Variants in CD46 observed in about 807,000 individuals in gnomAD.
CD46 encodes the protein CD46 molecule.
In CD46, 30 loss-of-function variants were observed where a neutral mutation model predicts 53.3. That is an observed-to-expected ratio of 0.56 (90% CI 0.42 to 0.76). CD46 has a LOEUF of 0.76. Among genes scored for constraint, CD46 ranks in the 30% least tolerant of loss-of-function variants. The pLI, the probability that CD46 is intolerant of heterozygous loss-of-function variation, is 0.00. For missense variants in CD46, 409 were observed against 463.0 expected, an observed-to-expected ratio of 0.88 and a Z score of 1.07; for synonymous variants, 142 against 152.0, an observed-to-expected ratio of 0.93 and a Z score of 0.48.
chr1:207,758,765 A>G (rs1655856389), intron 3 of CD46, among the ~76,000 whole-genome samples: 1 of 152,252 alleles, frequency 6.6e-6, no homozygotes, highest in South Asian at 2.1e-4. Context: ...TTGGTCAAGT[A>G]GAAATATTGG....
In CD46 at chr1:207,759,534, A is replaced by G; in HGVS notation, c.390-105A>G. On this transcript the variant is annotated intron_variant, in intron 3 of 12. Coordinates refer to ENST00000367042, the MANE Select transcript of CD46 (RefSeq NM_172351.3). ...ATGTTGTTTAAGAAACCACCCCCTC[A>G]AACTACTGTAGTGTAGAAAAGAAAC... The G allele has an allele frequency of 1.0e-5, 7 of 672,768 alleles. No individual in the cohort carries two copies. The South Asian group carries it at 1.2e-4, about 12-fold the overall frequency. 41.7% of individuals were successfully genotyped at this position (672,768 alleles called of 1,614,324 possible). A position where few individuals can be genotyped will look rare whatever the true frequency, so the allele number is the denominator to read the frequency against.
rs1660050648 is a variant in CD46, at chr1:207,794,146, C to T, written c.*669C>T. 6.5e-6 allele frequency: 1 copy of T among 154,482 alleles called. No homozygotes were observed. The highest frequency in any genetic ancestry group is 1.4e-5 in the Non-Finnish European group (1 of 69,456). 9.6% of individuals were successfully genotyped at this position (154,482 alleles called of 1,614,324 possible). On this transcript the variant is annotated 3_prime_UTR_variant, in exon 13 of 13. Coordinates refer to ENST00000367042, the MANE Select transcript of CD46 (RefSeq NM_172351.3). The stretch of plus-strand genomic sequence containing the variant: ...ACCAAGAATATTATTGGAAAATTCT[C>T]TAAAAGTTAATAGGGTAAATTCTCT...
chr1:207,788,391 G>C (rs1005924205), intron 11 of CD46, among the ~76,000 whole-genome samples: 35 of 150,140 alleles, frequency 2.3e-4, no homozygotes, highest in Non-Finnish European at 3.8e-4. Context: ...AGTGGCGGGC[G>C]CCTGTAGTCC....
In CD46 at chr1:207,767,084, A is replaced by G. The variant is rs760633093; in HGVS notation, c.745A>G (p.Lys249Glu). The G allele has an allele frequency of 6.2e-7, 1 of 1,613,862 alleles. No individual in the cohort carries two copies. The highest frequency in any genetic ancestry group is 8.5e-7 in the Non-Finnish European group (1 of 1,179,738). The change falls in exon 6 of 13, where the codon AAA becomes GAA. Residue 249 changes from lysine (K) to glutamate (E), a missense_variant. Transcript: ENST00000367042. ...ISGFGKKFYY[K>E]ATVMFECDKG... is the part of the protein sequence containing the mutation. ...AGGATTTGGAAAAAAATTTTACTAC[A>G]AAGCAACAGTTATGTTTGAATGCGA...
intron 8 of CD46, among the ~76,000 whole-genome samples, chr1:207,781,817 ATTATAGTTTTGG>A (rs1658766299): frequency 6.6e-6 from 1 of 151,966 alleles, no homozygotes. Flanking sequence ...TGTTTTGATT[ATTATAGTTTTGG>A]AATCAGAAAG....
intron 4 of CD46, chr1:207,760,466 T>A (rs1359311740): frequency 6.6e-6 from 1 of 152,226 alleles, no homozygotes; most frequent in Non-Finnish European, 1.5e-5. Context: ...AGAAAATGGA[T>A]ATATTTATAA....
At chr1:207,787,224 C>T (rs1036027540) in intron 11 of CD46, among the ~76,000 whole-genome samples, 4 of 152,144 alleles carry the variant, frequency 2.6e-5, no homozygotes, top group Admixed American at 1.3e-4. Context: ...TCGTGCACCA[C>T]CACCACCGGC....
Position 207,757,073 on chromosome 1 carries a change from T to G in CD46, c.157T>G (p.Tyr53Asp). ...AMELIGKPKPYYEIGERVDYK... is the reference protein window; with the variant it reads ...AMELIGKPKPDYEIGERVDYK... The stretch of plus-strand genomic sequence containing the variant: ...GGAGCTCATTGGTAAACCAAAACCC[T>G]ACTATGAGATTGGTGAACGAGTAGA... The change falls in exon 2 of 13, where the codon TAC becomes GAC. Residue 53 changes from tyrosine to aspartate, a missense_variant. Tyr to Asp is a radical substitution (Grantham distance 160, BLOSUM62 -3). Coordinates refer to ENST00000367042, the MANE Select transcript of CD46 (RefSeq NM_172351.3). 6.2e-7 allele frequency: 1 copy of G among 1,614,076 alleles called. No homozygotes were observed. The highest frequency in any genetic ancestry group is 8.5e-7 in the Non-Finnish European group (1 of 1,179,936).
At chr1:207,777,644 T>G (rs1175827256) in intron 8 of CD46, among the ~76,000 whole-genome samples, 2 of 152,194 alleles carry the variant, frequency 1.3e-5, no homozygotes, top group African/African-American at 4.8e-5. Context: ...CTACGTAGTA[T>G]TCCACGGTGT....
intron 11 of CD46, among the ~76,000 whole-genome samples, chr1:207,787,380 T>A (rs1205755471): frequency 6.6e-6 from 1 of 152,140 alleles, no homozygotes; most frequent in Non-Finnish European, 1.5e-5. Context: ...CCTTAATGGG[T>A]CTTTTAAAGC....
chr1:207,778,324 G>A (rs1658341611), intron 8 of CD46, among the ~76,000 whole-genome samples: 1 of 151,988 alleles, frequency 6.6e-6, no homozygotes, highest in Non-Finnish European at 1.5e-5. Context: ...CTTGTGTTGC[G>A]ATTGTTTTTG....
intron 8 of CD46, among the ~76,000 whole-genome samples, chr1:207,779,193 G>A (rs2796277): frequency 0.99 from 151,278 of 152,308 alleles, 75,140 homozygotes; most frequent in Middle Eastern, 1. Flanking sequence ...GGCCAAGACT[G>A]TGGGGTTTTC....
Position 207,752,403 on chromosome 1 carries a change from G to A in CD46, c.97+94G>A. The stretch of plus-strand genomic sequence containing the variant: ...CGGGGCGGGGCTCACAGCAGGCCGT[G>A]CCTGTTTGGGGACAGGGTTCTCTGA... On this transcript the variant is annotated intron_variant, in intron 1 of 12. Transcript: ENST00000367042. This position sits in a 1 kb window ranked among gnomAD's most constrained non-coding sequence, Gnocchi z 4.1. 1 of 1,187,852 alleles carries A rather than the reference G, an allele frequency of 8.4e-7. No homozygotes were observed. The highest frequency in any genetic ancestry group is 1.3e-6 in the Non-Finnish European group (1 of 798,516). The allele number at this position is 1,187,852 out of a possible 1,614,324, so 73.6% of individuals were successfully genotyped here.
At chr1:207,755,016 G>A (rs933533955) in intron 1 of CD46, among the ~76,000 whole-genome samples, 17 of 151,464 alleles carry the variant, frequency 1.1e-4, no homozygotes, top group Non-Finnish European at 1.5e-4. Flanking sequence ...AGCTACTTGG[G>A]AGACTGAAGG....
chr1:207,786,455 GT>G (rs1659281259), intron 11 of CD46, among the ~76,000 whole-genome samples: 1 of 152,146 alleles, frequency 6.6e-6, no homozygotes, highest in Non-Finnish European at 1.5e-5. Context: ...TCAAATTTTA[GT>G]TAAAGAGCTT....
chr1:207,767,758 C>T, intron 6 of CD46, 21 bp from the exon 7 acceptor site: 1 of 1,610,040 alleles, frequency 6.2e-7, no homozygotes, highest in South Asian at 1.1e-5. Context: ...GTCCAATCTA[C>T]ATTATTATTT....
intron 12 of CD46, among the ~76,000 whole-genome samples, chr1:207,792,674 C>T (rs966579333): frequency 6.6e-5 from 10 of 152,034 alleles, no homozygotes; most frequent in African/African-American, 2.2e-4. Context: ...ATGACTGGTC[C>T]GAATTTGGTT....
In CD46 at chr1:207,766,946, C is replaced by T. The variant is rs1571616368; in HGVS notation, c.674-67C>T. On this transcript the variant is annotated intron_variant, in intron 5 of 12. Coordinates refer to ENST00000367042, the MANE Select transcript of CD46 (RefSeq NM_172351.3). Reference sequence around the variant, plus strand: ...TTGTCTCTGTTCACACTGGAAATTACTACTTTGTACTACTTTTTCTGCTAA... The same window carrying T: ...TTGTCTCTGTTCACACTGGAAATTATTACTTTGTACTACTTTTTCTGCTAA... The T allele has an allele frequency of 2.7e-5, 34 of 1,261,276 alleles. No individual in the cohort carries two copies. In the East Asian group the frequency reaches 8.0e-4, roughly 30 times the overall value. 78.1% of individuals were successfully genotyped at this position (1,261,276 alleles called of 1,614,324 possible). A position where few individuals can be genotyped will look rare whatever the true frequency, so the allele number is the denominator to read the frequency against.
chr1:207,778,301 T>C (rs1044328330), intron 8 of CD46, among the ~76,000 whole-genome samples: 1 of 152,208 alleles, frequency 6.6e-6, no homozygotes, highest in Admixed American at 6.5e-5. Context: ...TCAATCGTAC[T>C]TGTCAATTTT....
Sources: gnomAD v4.1 joint callset for allele counts (sites outside exome capture counted in the v4.1 genomes callset) on GRCh38, gnomAD v4.1.1 for gene constraint, Gnocchi (gnomAD v3.1) non-coding constraint, MANE v1.5 for transcripts, NCBI Gene and HGNC (gene_info 2026-07-23, HGNC 2026-07-21) for gene names.